Variants in CDK10 observed in about 807,000 individuals in gnomAD.
CDK10 encodes cyclin-dependent kinase 10.
In CDK10, 55 loss-of-function variants were observed where a neutral mutation model predicts 51.0. The ratio of observed to expected loss-of-function variants is 1.08; its 90% CI spans 0.87 to 1.35. The LOEUF is 1.35. Ranked by LOEUF, CDK10 falls within the 40% of genes most tolerant of loss-of-function variation. The pLI, the probability that CDK10 is intolerant of heterozygous loss-of-function variation, is 0.00. For missense variants in CDK10, 589 were observed against 485.1 expected (o/e 1.21, Z -2.01); for synonymous variants, 255 against 199.1 (o/e 1.28, Z -2.36).
Position 89,693,259 on chromosome 16 carries a change from G to C in CDK10, c.486-15G>C. 6.2e-7 allele frequency: 1 copy of C among 1,613,998 alleles called. No homozygotes were observed. The highest frequency in any genetic ancestry group is 8.5e-7 in the Non-Finnish European group (1 of 1,179,970). ...GGCCCTCTGGGAGCCACCTGCCACT[G>C]TTTTTCCATCACAGGGACCTGAAGG... is the stretch of plus-strand genomic sequence containing the variant. On this transcript the variant is annotated splice_polypyrimidine_tract_variant and intron_variant, in intron 6 of 12. Transcript: ENST00000353379.
intron 11 of CDK10, 43 bp downstream of exon 11, chr16:89,695,113 A>G: frequency 6.3e-7 from 1 of 1,593,092 alleles, no homozygotes; most frequent in Non-Finnish European, 8.5e-7. Flanking sequence ...CACCACCCAC[A>G]CTGTCCAGAC....
In CDK10 at chr16:89,696,001, T is replaced by A; in HGVS notation, c.*309T>A. On this transcript the variant is annotated 3_prime_UTR_variant, in exon 13 of 13. Coordinates refer to ENST00000353379, the MANE Select transcript of CDK10 (RefSeq NM_052988.5). ...GTTGGAAATGTGCAACCACTGCTTC[T>A]TGGGAGGAGTGGTGGGTGCAGTCCC... 3.3e-6 allele frequency: 2 copies of A among 604,504 alleles called. No homozygotes were observed. The highest frequency in any genetic ancestry group is 5.9e-6 in the Non-Finnish European group (2 of 338,218). 37.4% of individuals were successfully genotyped at this position (604,504 alleles called of 1,614,324 possible). A position where few individuals can be genotyped will look rare whatever the true frequency, so the allele number is the denominator to read the frequency against.
intron 6 of CDK10, 61 bp from the exon 7 acceptor site, chr16:89,693,213 G>A (rs527448572): frequency 2.7e-6 from 4 of 1,471,866 alleles, no homozygotes; most frequent in South Asian, 2.3e-5. Context: ...TTGGTGCCGT[G>A]GGGGAGCTCT....
chr16:89,694,692 G>A lies in CDK10; in HGVS notation c.696G>A (p.Leu232=), dbSNP rs758813856. 1 of 1,588,998 alleles carries A rather than the reference G, an allele frequency of 6.3e-7. No individual in the cohort carries two copies. Among genetic ancestry groups the A allele is most frequent in the Non-Finnish European group, 8.6e-7 (1 of 1,168,442 alleles). The change falls in exon 10 of 13, where the codon CTG becomes CTA. Residue 232 remains leucine, a synonymous_variant. Coordinates refer to ENST00000353379, the MANE Select transcript of CDK10 (RefSeq NM_052988.5). ...CTGTGGGCTGCATACTGGCCGAGCT[G>A]CTGGCGCACAGGCCTCTTCTCCCCG... ...MWAVGCILAE[L]LAHRPLLPGT...
rs1467960769 is a variant in CDK10, at chr16:89,694,836, C to G, written c.792+48C>G. The G allele has an allele frequency of 6.0e-6, 7 of 1,175,224 alleles. No homozygotes were observed. In the Admixed American group the frequency reaches 9.3e-5, roughly 16 times the overall value. 72.8% of individuals were successfully genotyped at this position (1,175,224 alleles called of 1,614,324 possible). ...CAGCCCCCGCCCGTGCCCACGCCCT[C>G]TGCGCCCGCAGCCCCCGCCCGTGCC... On this transcript the variant is annotated intron_variant, in intron 10 of 12. Coordinates refer to ENST00000353379, the MANE Select transcript of CDK10 (RefSeq NM_052988.5).
chr16:89,691,551 T>G lies in CDK10; in HGVS notation c.335+6T>G. 8 of 1,604,548 alleles carry G rather than the reference T, an allele frequency of 5.0e-6. No individual in the cohort carries two copies. Among genetic ancestry groups the G allele is most frequent in the Non-Finnish European group, 6.8e-6 (8 of 1,172,016 alleles). Reference sequence around the variant, plus strand: ...GTGGGGAACCACCTGGAGAGGTACGTGGTCTCCTGGTCTGCACATTGGGCC... The same window carrying G: ...GTGGGGAACCACCTGGAGAGGTACGGGGTCTCCTGGTCTGCACATTGGGCC... On this transcript the variant is annotated splice_donor_region_variant and intron_variant, in intron 4 of 12. Coordinates refer to ENST00000353379, the MANE Select transcript of CDK10 (RefSeq NM_052988.5).
In CDK10 at chr16:89,693,416, G is replaced by C; in HGVS notation, c.557G>C (p.Arg186Pro). ...CVKTADFGLA[R>P]AYGVPVKPMT... The stretch of plus-strand genomic sequence containing the variant: ...GCTGCAGCGGATTTCGGCCTGGCCC[G>C]GGCCTATGGTGTCCCAGTAAAGCCA... The change falls in exon 8 of 13, where the codon CGG becomes CCG. Residue 186 changes from arginine to proline, a missense_variant. Arg to Pro is a moderately radical substitution (Grantham distance 103). Coordinates refer to ENST00000353379, the MANE Select transcript of CDK10 (RefSeq NM_052988.5). The C allele has an allele frequency of 6.2e-7, 1 of 1,614,172 alleles. No individual in the cohort carries two copies. The highest frequency in any genetic ancestry group is 8.5e-7 in the Non-Finnish European group (1 of 1,180,032).
chr16:89,692,257 C>A lies in CDK10; in HGVS notation c.418-192C>A, dbSNP rs376178003. The A allele has an allele frequency of 1.3e-4, 68 of 516,424 alleles. No individual in the cohort carries two copies. In the East Asian group the frequency reaches 1.9e-3, roughly 14 times the overall value. 32.0% of individuals were successfully genotyped at this position (516,424 alleles called of 1,614,324 possible). On this transcript the variant is annotated intron_variant, in intron 5 of 12. Transcript: ENST00000353379. ...TGCTGGGAGAGTGCAGCCCCGGGGC[C>A]AAGAGCCTTGTGAGGGCACTGGTTT...
chr16:89,686,936 C>T, intron 1 of CDK10, 139 bp downstream of exon 1: 2 of 689,166 alleles, frequency 2.9e-6, no homozygotes, highest in Middle Eastern at 4.0e-4. Flanking sequence ...TTCCCCGCGG[C>T]GGGGGCGGAA....
At chr16:89,689,898 G>A (rs974864843) in intron 2 of CDK10, 1 of 154,442 alleles carries the variant, frequency 6.5e-6, no homozygotes, top group East Asian at 1.9e-4. Context: ...TGCCCAGGCT[G>A]GTCTTGAACT....
chr16:89,690,571 A>G lies in CDK10; in HGVS notation c.179A>G (p.Gln60Arg). Residue 60 changes from glutamine to arginine, a missense_variant, in exon 3 of 13, where the codon CAG (glutamine) becomes CGG (arginine). By Grantham distance (43) the Gln-to-Arg change is conservative. Transcript: ENST00000353379. ...YGIVYRARDT[Q>R]TDEIVALKKV... ...ATTCCAGATCGGGCCCGGGACACCC[A>G]GACAGATGAGATTGTCGCACTGAAG... 6.2e-7 allele frequency: 1 copy of G among 1,614,150 alleles called. No individual in the cohort carries two copies. The highest frequency in any genetic ancestry group is 8.5e-7 in the Non-Finnish European group (1 of 1,180,004).
chr16:89,688,080 T>C (rs1247213185), intron 1 of CDK10, among the ~76,000 whole-genome samples: 2 of 115,328 alleles, frequency 1.7e-5, no homozygotes, highest in African/African-American at 6.4e-5. Context: ...ACGTGTGCTT[T>C]TTTTTTTTTT....
At chr16:89,693,178 G>C in intron 6 of CDK10, 96 bp from the exon 7 acceptor site, 1 of 1,052,442 alleles carries the variant, frequency 9.5e-7, no homozygotes, top group Non-Finnish European at 1.5e-6. Context: ...CAAAGCTGAG[G>C]AAACGTGCAG....
intron 1 of CDK10, chr16:89,687,039 AGACGGGCCCGG>A (rs1469551178): frequency 2.4e-6 from 1 of 420,722 alleles, no homozygotes; most frequent in African/African-American, 2.1e-5. Context: ...GCCCGCGGAG[AGACGGGCCCGG>A]GACTTGGGAA....
intron 1 of CDK10, chr16:89,687,873 C>T (rs2060268772): frequency 8.9e-6 from 3 of 337,414 alleles, no homozygotes; most frequent in Admixed American, 7.8e-5. Flanking sequence ...CAGTGAGTGA[C>T]AGGCCAGATG....
At chr16:89,690,884 C>T (rs1354261778) in intron 3 of CDK10, among the ~76,000 whole-genome samples, 1 of 152,274 alleles carries the variant, frequency 6.6e-6, no homozygotes, top group African/African-American at 2.4e-5. Context: ...TCTGCTGTCC[C>T]CTCCACCCCC....
chr16:89,686,858 T>C, intron 1 of CDK10, 61 bp downstream of exon 1: 2 of 1,429,432 alleles, frequency 1.4e-6, no homozygotes, highest in Non-Finnish European at 1.9e-6. Context: ...CCCGGCTGGG[T>C]CTGGGGAGCC....
chr16:89,695,322 C>T lies in CDK10; in HGVS notation c.962C>T (p.Ser321Phe), dbSNP rs761632963. ...RATAGDCLES[S>F]YFKEKPLPCE... ...ACGGCCGGGGACTGCCTGGAGAGCT[C>T]CTATTTCAAGGAGAAGCCCCTACGT... Residue 321 changes from serine to phenylalanine, a missense_variant, in exon 12 of 13, where the codon TCC becomes TTC. Ser to Phe is a radical substitution (Grantham distance 155). Coordinates refer to ENST00000353379, the MANE Select transcript of CDK10 (RefSeq NM_052988.5). 5 of 1,612,520 alleles carry T rather than the reference C, an allele frequency of 3.1e-6. No homozygotes were observed. In the Admixed American group the frequency reaches 6.7e-5, roughly 22 times the overall value.
At position 89,695,805 on chromosome 16, in the gene CDK10, TGGCTG is replaced by T; in HGVS notation, c.*116_*120del. 6.4e-7 allele frequency: 1 copy of T among 1,557,768 alleles called. No individual in the cohort carries two copies. Among genetic ancestry groups the T allele is most frequent in the South Asian group, 1.2e-5 (1 of 85,172 alleles). On this transcript the variant is annotated 3_prime_UTR_variant, in exon 13 of 13. Transcript: ENST00000353379. ...GCGCCCGGGATCCAGCTCATCCCCT[TGGCTG>T]GGAACATCCTCCACTGACTTCCTCC...
Sources: gnomAD v4.1 joint callset for allele counts (sites outside exome capture counted in the v4.1 genomes callset) on GRCh38, gnomAD v4.1.1 for gene constraint, MANE v1.5 for transcripts, NCBI Gene and HGNC (gene_info 2026-07-23, HGNC 2026-07-21) for gene names.